Variants in DHRS9 observed in about 807,000 individuals in gnomAD.
The protein encoded by DHRS9 is dehydrogenase/reductase 9, also known as dehydrogenase/reductase SDR family member 9.
Under a neutral mutation model 26.6 loss-of-function variants are expected in DHRS9, and 18 were observed. The observed-to-expected ratio is 0.68, with a 90% CI of 0.47 to 1.00. The LOEUF is 1.00. DHRS9 is among the 50% of genes least tolerant of loss of function. DHRS9 has a pLI of 0.00. For missense variants in DHRS9, 425 were observed against 378.7 expected, an observed-to-expected ratio of 1.12 and a Z score of -1.01; for synonymous variants, 134 against 141.1, an observed-to-expected ratio of 0.95 and a Z score of 0.36.
intron 3 of DHRS9, among the ~76,000 whole-genome samples, chr2:169,085,802 C>G (rs1288364325): frequency 6.6e-6 from 1 of 152,122 alleles, no homozygotes; most frequent in Non-Finnish European, 1.5e-5. Flanking sequence ...AATATAAGAT[C>G]ATATCATCTG....
chr2:169,068,328 T>A (rs1277730474), upstream of DHRS9, among the ~76,000 whole-genome samples: 1 of 152,126 alleles, frequency 6.6e-6, no homozygotes, highest in Non-Finnish European at 1.5e-5. Context: ...TGTTTGTTTG[T>A]TTGTTTTTGT....
chr2:169,083,488 G>A lies in DHRS9; in HGVS notation c.473G>A (p.Arg158Lys). 6.2e-7 allele frequency: 1 copy of A among 1,614,154 alleles called. No homozygotes were observed. The highest frequency in any genetic ancestry group is 2.2e-5 in the East Asian group (1 of 44,888). The change falls in exon 3 of 5, where the codon AGA (arginine) becomes AAA (lysine). Residue 158 changes from arginine to lysine, a missense_variant. Physicochemically the swap from Arg to Lys is conservative, Grantham distance 26 (BLOSUM62 2). Transcript: ENST00000674881. ...CCTTTGGTCAAGAAAGCTCAAGGGA[G>A]AGTTATTAATGTCTCCAGTGTTGGA... is the stretch of plus-strand genomic sequence containing the variant. ...MLPLVKKAQG[R>K]VINVSSVGGR... is the part of the protein sequence containing the mutation.
At chr2:169,081,922 G>A in intron 2 of DHRS9, 28 bp downstream of exon 2, 13 of 1,570,376 alleles carry the variant, frequency 8.3e-6, no homozygotes, top group Non-Finnish European at 1.1e-5. Flanking sequence ...GGGTAGGATG[G>A]GACAGGGATA....
intron 3 of DHRS9, among the ~76,000 whole-genome samples, chr2:169,088,108 A>G (rs956131434): frequency 5.9e-5 from 9 of 152,176 alleles, no homozygotes; most frequent in Non-Finnish European, 1.3e-4. Flanking sequence ...AAGTTTATTT[A>G]GAACCCCACA....
intron 3 of DHRS9, among the ~76,000 whole-genome samples, chr2:169,083,823 CCTTT>C (rs1435932793): frequency 1.3e-5 from 2 of 152,116 alleles, no homozygotes; most frequent in African/African-American, 2.4e-5. Context: ...AAGCATTTAT[CCTTT>C]CTTTGTGTTA....
At chr2:169,068,515 G>A (rs1388428278), upstream of DHRS9, among the ~76,000 whole-genome samples, 2 of 151,988 alleles carry the variant, frequency 1.3e-5, no homozygotes, top group East Asian at 1.9e-4. Flanking sequence ...TAGTAGAGAT[G>A]GGGTTTCACG....
chr2:169,082,505 G>C (rs548650588), intron 2 of DHRS9, among the ~76,000 whole-genome samples: 2 of 152,238 alleles, frequency 1.3e-5, no homozygotes, highest in African/African-American at 4.8e-5. Flanking sequence ...AAGATGTTAG[G>C]ATTCACAAAG....
intron 3 of DHRS9, among the ~76,000 whole-genome samples, chr2:169,087,447 C>A (rs746295254): frequency 3.9e-5 from 6 of 152,144 alleles, no homozygotes; most frequent in Non-Finnish European, 7.4e-5. Context: ...GAATTGGAGA[C>A]GCTAAGTGCC....
chr2:169,090,029 A>G (rs1009127404), intron 3 of DHRS9, among the ~76,000 whole-genome samples: 2 of 152,220 alleles, frequency 1.3e-5, no homozygotes, highest in African/African-American at 4.8e-5. Context: ...TTTCAACTGA[A>G]GGGTTTGTGA....
chr2:169,067,091 T>C, upstream of DHRS9: 1 of 1,531,300 alleles, frequency 6.5e-7, no homozygotes, highest in Non-Finnish European at 8.7e-7. Flanking sequence ...CAGCTTATAG[T>C]CGTTCAGAGA....
At chr2:169,079,985 GAAAGAAAGAAAGAA>G (rs1469816136) in intron 1 of DHRS9, among the ~76,000 whole-genome samples, 1 of 51,062 alleles carries the variant, frequency 2.0e-5, no homozygotes, top group Non-Finnish European at 3.9e-5. Context: ...GAGAGAGAGA[GAAAGAAAGAAAGAA>G]AGAAAGAAAG....
chr2:169,074,446 G>A (rs1353791450), intron 1 of DHRS9: 2 of 985,432 alleles, frequency 2.0e-6, no homozygotes, highest in East Asian at 1.1e-4. Flanking sequence ...CAGCAGATAA[G>A]CAAACAACTC....
intron 3 of DHRS9, among the ~76,000 whole-genome samples, chr2:169,090,599 T>C (rs944878277): frequency 1.3e-5 from 2 of 152,202 alleles, no homozygotes; most frequent in Non-Finnish European, 2.9e-5. Context: ...AGTCCACTAA[T>C]AGAGCTTTTA....
intron 4 of DHRS9, 87 bp from the exon 5 acceptor site, chr2:169,095,457 T>G: frequency 9.9e-7 from 1 of 1,012,804 alleles, no homozygotes; most frequent in Non-Finnish European, 1.6e-6. Flanking sequence ...ATAAATCCCC[T>G]TGTATCCATC....
chr2:169,081,634 G>A lies in DHRS9; in HGVS notation c.53G>A (p.Arg18His), dbSNP rs75787827. ...LLILCGFLWT[R>H]KGKLKIEDIT... ...ATCCTCTGTGGTTTTCTGTGGACTC[G>A]TAAAGGAAAACTAAAGATTGAAGAC... is the stretch of plus-strand genomic sequence containing the variant. The change falls in exon 2 of 5, where the codon CGT (arginine) becomes CAT (histidine). Residue 18 changes from arginine to histidine, a missense_variant. By Grantham distance (29) the Arg-to-His change is conservative (BLOSUM62 0). Coordinates refer to ENST00000674881, the MANE Select transcript of DHRS9 (RefSeq NM_001376924.1). 1.7e-4 allele frequency: 274 copies of A among 1,614,160 alleles called. 1 individual carries two copies. The highest frequency in any genetic ancestry group is 1.2e-3 in the African/African-American group (91 of 75,030).
At chr2:169,084,958 G>A (rs1402596839) in intron 3 of DHRS9, among the ~76,000 whole-genome samples, 1 of 152,150 alleles carries the variant, frequency 6.6e-6, no homozygotes, top group Non-Finnish European at 1.5e-5. Flanking sequence ...TAGTTTCAGA[G>A]TTTGAGGTCT....
rs72623188 is a variant in DHRS9 at position 169,083,632 on chromosome 2, G to A, written c.572+45G>A. The A allele has an allele frequency of 5.0e-3, 7,925 of 1,597,764 alleles. 169 individuals carry two copies. The East Asian group carries it at 0.074, about 15-fold the overall frequency. On this transcript the variant is annotated intron_variant, in intron 3 of 4. Transcript: ENST00000674881. Reference sequence around the variant, plus strand: ...TTATTAGGAAACAATAGCTGCAAACGTTTACTGAATGCTTATGTACAAGAC... The same window carrying A: ...TTATTAGGAAACAATAGCTGCAAACATTTACTGAATGCTTATGTACAAGAC...
chr2:169,089,059 G>C (rs1684439013), intron 3 of DHRS9, among the ~76,000 whole-genome samples: 1 of 152,166 alleles, frequency 6.6e-6, no homozygotes, highest in African/African-American at 2.4e-5. Context: ...GGTTCTTTCA[G>C]TCAAGATTCT....
At chr2:169,089,475 AT>A (rs1684454076) in intron 3 of DHRS9, among the ~76,000 whole-genome samples, 1 of 152,232 alleles carries the variant, frequency 6.6e-6, no homozygotes. Context: ...AGCGGAAGAT[AT>A]TCAGCTGAGT....
Sources: allele counts gnomAD v4.1 joint callset (sites outside exome capture counted in the v4.1 genomes callset), GRCh38; gene constraint gnomAD v4.1.1; transcripts MANE v1.5; gene names NCBI Gene and HGNC (gene_info 2026-07-23, HGNC 2026-07-21).